The following ATAD2B variants were observed in gnomAD, a reference collection of about 807,000 sequenced individuals.
ATAD2B encodes ATPase family AAA domain containing 2B, also known as ATPase family AAA domain-containing protein 2B.
A neutral mutation model predicts 167.6 loss-of-function variants in ATAD2B; 40 were observed. The ratio of observed to expected loss-of-function variants is 0.24; its 90% CI spans 0.19 to 0.31. The LOEUF is 0.31. Ranked by LOEUF, ATAD2B falls within the 10% of genes least tolerant of loss-of-function variation. ATAD2B has a pLI of 1.00. For synonymous variants in ATAD2B, 579 were observed against 596.5 expected (o/e 0.97, Z 0.43); for missense variants, 1,242 against 1,757.2 (o/e 0.71, Z 5.24).
At chr2:23,728,969 G>A in the ATAD2B span, among the ~76,000 whole-genome samples, 207 of 152,256 alleles carry the variant, frequency 1.4e-3, no homozygotes, top group African/African-American at 4.7e-3. Context: ...CAATCATGGC[G>A]GAAGGTGAAG....
At chr2:23,699,545 G>A in the ATAD2B span, among the ~76,000 whole-genome samples, 1 of 152,182 alleles carries the variant, frequency 6.6e-6, no homozygotes, top group Admixed American at 6.5e-5. Context: ...TGAACCCCAA[G>A]TCTGCTTTTC....
At chr2:23,706,338 G>C in the ATAD2B span, 1 of 578,540 alleles carries the variant, frequency 1.7e-6, no homozygotes, top group East Asian at 3.4e-5. Flanking sequence ...GCCCAGGTTA[G>C]AGGGCAAAGA....
the ATAD2B span, among the ~76,000 whole-genome samples, chr2:23,710,998 G>C: frequency 6.6e-6 from 1 of 152,148 alleles, no homozygotes; most frequent in Non-Finnish European, 1.5e-5. Flanking sequence ...GCTGCGTGAA[G>C]CCTTCACATT....
chr2:23,794,011 C>T (rs1436922201), intron 19 of ATAD2B, among the ~76,000 whole-genome samples: 1 of 151,804 alleles, frequency 6.6e-6, no homozygotes, highest in African/African-American at 2.4e-5. Context: ...AGAAAAGTGG[C>T]ACTGTTTTAT....
chr2:23,913,580 C>A (rs1702600895), intron 1 of ATAD2B, among the ~76,000 whole-genome samples: 2 of 148,878 alleles, frequency 1.3e-5, no homozygotes, highest in Non-Finnish European at 3.0e-5. Context: ...GTGGAGGCTG[C>A]AGTGAGCCGA....
At chr2:23,684,607 C>T in the ATAD2B span, 1 of 1,385,610 alleles carries the variant, frequency 7.2e-7, no homozygotes, top group Non-Finnish European at 9.6e-7. The surrounding 1 kb of genome is among the most constrained non-coding windows in gnomAD (Gnocchi z 4.4). Context: ...TTTTCTCTTC[C>T]CCTCTCTTGC....
intron 1 of ATAD2B, among the ~76,000 whole-genome samples, chr2:23,902,485 G>A (rs750314232): frequency 6.6e-6 from 1 of 152,122 alleles, no homozygotes; most frequent in Non-Finnish European, 1.5e-5. Context: ...ACCCTTAATA[G>A]GATGATCATA....
At chr2:23,836,469 T>A (rs989287249) in intron 13 of ATAD2B, among the ~76,000 whole-genome samples, 1 of 152,170 alleles carries the variant, frequency 6.6e-6, no homozygotes, top group Admixed American at 6.5e-5. Flanking sequence ...GCAAGGGGCA[T>A]GTTTCAGCCC....
intron 17 of ATAD2B, among the ~76,000 whole-genome samples, chr2:23,817,002 G>A (rs183650596): frequency 1.3e-5 from 2 of 152,238 alleles, no homozygotes; most frequent in East Asian, 1.9e-4. Flanking sequence ...TATTCTGGCC[G>A]AGCACCTTTT....
At chr2:23,870,501 G>A (rs1052867779) in intron 8 of ATAD2B, among the ~76,000 whole-genome samples, 8 of 151,672 alleles carry the variant, frequency 5.3e-5, no homozygotes, top group Non-Finnish European at 1.0e-4. Context: ...TCCCAAGGTG[G>A]TCTCAAACTC....
intron 1 of ATAD2B, among the ~76,000 whole-genome samples, chr2:23,899,880 C>T (rs903798572): frequency 2.0e-5 from 3 of 151,098 alleles, no homozygotes; most frequent in Admixed American, 6.6e-5. Context: ...TGAGCCACCG[C>T]GCCCAGTAGT....
At chr2:23,894,334 A>T (rs1699918375) in intron 2 of ATAD2B, among the ~76,000 whole-genome samples, 1 of 152,060 alleles carries the variant, frequency 6.6e-6, no homozygotes, top group Non-Finnish European at 1.5e-5. Context: ...ATACAAAATT[A>T]GCTGGGCGTG....
chr2:23,716,441 GT>G, the ATAD2B span, among the ~76,000 whole-genome samples: 1 of 100,244 alleles, frequency 1.0e-5, no homozygotes, highest in Non-Finnish European at 2.4e-5. Flanking sequence ...ACCTTTCATT[GT>G]TGTTGTTGTT....
chr2:23,680,068 G>A, the ATAD2B span, among the ~76,000 whole-genome samples: 1 of 152,214 alleles, frequency 6.6e-6, no homozygotes, highest in South Asian at 2.1e-4. This position sits in a 1 kb window ranked among gnomAD's most constrained non-coding sequence, Gnocchi z 4.1. Context: ...CAGTGGCTGT[G>A]AGGATGCAGT....
intron 7 of ATAD2B, among the ~76,000 whole-genome samples, chr2:23,878,014 GAAAAAAAAAAA>G (rs70941598): frequency 2.3e-5 from 1 of 42,704 alleles, no homozygotes; most frequent in Non-Finnish European, 4.4e-5. Context: ...TATCTCCAAA[GAAAAAAAAAAA>G]AAAAAAAAAA....
intron 19 of ATAD2B, among the ~76,000 whole-genome samples, chr2:23,789,530 A>G (rs1681331876): frequency 6.6e-6 from 1 of 152,114 alleles, no homozygotes; most frequent in Non-Finnish European, 1.5e-5. Flanking sequence ...TTTGTTACCC[A>G]GCCCAAATCA....
At chr2:23,855,118 CG>C (rs1693175619) in intron 13 of ATAD2B, among the ~76,000 whole-genome samples, 1 of 148,530 alleles carries the variant, frequency 6.7e-6, no homozygotes, top group African/African-American at 2.5e-5. Context: ...CGCTTCAATG[CG>C]GGGTGCGGAG....
chr2:23,842,985 C>A (rs1691163371), intron 13 of ATAD2B, among the ~76,000 whole-genome samples: 1 of 151,968 alleles, frequency 6.6e-6, no homozygotes, highest in Non-Finnish European at 1.5e-5. Context: ...AAATTAAGAA[C>A]CAATAAAAAG....
At chr2:23,832,449 A>G (rs1477218998) in intron 14 of ATAD2B, 1 of 173,124 alleles carries the variant, frequency 5.8e-6, no homozygotes, top group African/African-American at 2.4e-5. Context: ...CATGAGCCAC[A>G]TAATGCCATT....
Sources: allele counts gnomAD v4.1 joint callset (sites outside exome capture counted in the v4.1 genomes callset), GRCh38; gene constraint gnomAD v4.1.1; non-coding constraint Gnocchi (gnomAD v3.1); transcripts MANE v1.5; gene names NCBI Gene and HGNC (gene_info 2026-07-23, HGNC 2026-07-21).